PHF24: variants seen among roughly 807,000 people sequenced by gnomAD.
PHF24 encodes PHD finger protein 24, also known as Galpha inhibitory interacting protein.
In PHF24, 25 loss-of-function variants were observed where a neutral mutation model predicts 42.6. The observed-to-expected ratio is 0.59, with a 90% CI of 0.43 to 0.82. The LOEUF (loss-of-function observed/expected upper bound fraction) is 0.82. Among genes scored for constraint, PHF24 ranks in the 40% least tolerant of loss-of-function variants. The probability of loss-of-function intolerance (pLI) is 0.00; values close to 1 mark genes in which losing one functional copy is unlikely to be tolerated. For missense variants in PHF24, 470 were observed against 538.1 expected (o/e 0.87, Z 1.25); for synonymous variants, 185 against 204.8 (o/e 0.90, Z 0.83).
chr9:34,895,007 G>A, the PHF24 span: 1 of 398,394 alleles, frequency 2.5e-6, no homozygotes, highest in Non-Finnish European at 4.4e-6. Flanking sequence ...ACTCACAGCA[G>A]AAGTGAATTA....
the PHF24 span, among the ~76,000 whole-genome samples, chr9:34,680,694 A>AAT: frequency 1.5e-5 from 1 of 67,146 alleles, no homozygotes; most frequent in Non-Finnish European, 3.5e-5. Flanking sequence ...TCTCAAAAAA[A>AAT]AAAATAAATA....
At chr9:34,929,017 C>T in the PHF24 span, among the ~76,000 whole-genome samples, 1 of 152,194 alleles carries the variant, frequency 6.6e-6, no homozygotes, top group Non-Finnish European at 1.5e-5. Flanking sequence ...TAGACACTTG[C>T]CTTCACAGAT....
At chr9:34,835,509 G>T in the PHF24 span, 1 of 1,551,890 alleles carries the variant, frequency 6.4e-7, no homozygotes, top group Non-Finnish European at 8.7e-7. Context: ...AGGGTTTCTG[G>T]GTTCAGGGAC....
At chr9:34,898,387 T>A in the PHF24 span, among the ~76,000 whole-genome samples, 1 of 152,166 alleles carries the variant, frequency 6.6e-6, no homozygotes, top group Non-Finnish European at 1.5e-5. Context: ...TAAGGCGGTA[T>A]CACATTGCGG....
the PHF24 span, chr9:34,837,825 G>T: frequency 1.5e-6 from 1 of 667,376 alleles, no homozygotes; most frequent in South Asian, 1.9e-5. Flanking sequence ...ACGCTTTCCT[G>T]GATTTTCTTT....
At chr9:34,724,957 C>G in the PHF24 span, 7 of 1,551,568 alleles carry the variant, frequency 4.5e-6, no homozygotes, top group East Asian at 1.7e-4. Flanking sequence ...AGACTCGGAG[C>G]AGCTTAGGGT....
the PHF24 span, among the ~76,000 whole-genome samples, chr9:34,912,512 G>C: frequency 6.6e-6 from 1 of 151,978 alleles, no homozygotes; most frequent in South Asian, 2.1e-4. Context: ...TGTATGTTCA[G>C]AACACATGAA....
chr9:34,728,006 A>C, the PHF24 span: 1 of 1,551,160 alleles, frequency 6.4e-7, no homozygotes, highest in African/African-American at 1.4e-5. Context: ...ATAGAGTGCA[A>C]AGAGCAATAG....
the PHF24 span, among the ~76,000 whole-genome samples, chr9:34,739,708 G>A: frequency 1.3e-5 from 2 of 152,190 alleles, no homozygotes; most frequent in Admixed American, 1.3e-4. Context: ...CACCCAAAGA[G>A]TGAGCACCAG....
the PHF24 span, among the ~76,000 whole-genome samples, chr9:34,681,957 C>T: frequency 2.6e-5 from 4 of 152,428 alleles, no homozygotes; most frequent in South Asian, 8.3e-4. Context: ...ACAAAAAAAG[C>T]CCTCACCAGA....
At chr9:34,940,582 T>A in the PHF24 span, among the ~76,000 whole-genome samples, 1 of 151,942 alleles carries the variant, frequency 6.6e-6, no homozygotes, top group African/African-American at 2.4e-5. Context: ...TGAGACCCCA[T>A]CTCTCCGAAA....
At chr9:34,711,157 A>G in the PHF24 span, among the ~76,000 whole-genome samples, 1 of 152,238 alleles carries the variant, frequency 6.6e-6, no homozygotes, top group African/African-American at 2.4e-5. Context: ...TCCCATTGAC[A>G]TAGATTTATA....
At chr9:34,949,097 G>A in the PHF24 span, among the ~76,000 whole-genome samples, 1 of 152,168 alleles carries the variant, frequency 6.6e-6, no homozygotes, top group Non-Finnish European at 1.5e-5. Flanking sequence ...TCCTCTCTCT[G>A]TAATCAATAG....
At chr9:34,963,404 A>T (rs1826663232) in intron 1 of PHF24, among the ~76,000 whole-genome samples, 1 of 151,912 alleles carries the variant, frequency 6.6e-6, no homozygotes, top group African/African-American at 2.4e-5. Flanking sequence ...GCAGCTGGTC[A>T]CCTTCTGTGT....
chr9:34,679,483 G>A, the PHF24 span, among the ~76,000 whole-genome samples: 1 of 152,216 alleles, frequency 6.6e-6, no homozygotes, highest in African/African-American at 2.4e-5. Context: ...CTGAAAGACA[G>A]TGGTGGGCGG....
the PHF24 span, among the ~76,000 whole-genome samples, chr9:34,760,954 T>G: frequency 6.6e-6 from 1 of 151,032 alleles, no homozygotes. Context: ...ATCGCGCCAC[T>G]GCACTCTAGC....
intron 1 of PHF24, among the ~76,000 whole-genome samples, chr9:34,965,043 T>C (rs1412122194): frequency 6.6e-6 from 1 of 152,218 alleles, no homozygotes; most frequent in Non-Finnish European, 1.5e-5. Context: ...TGATTTCCTT[T>C]TAACTCTCTC....
the PHF24 span, among the ~76,000 whole-genome samples, chr9:34,818,944 C>T: frequency 1.3e-5 from 2 of 152,106 alleles, no homozygotes; most frequent in East Asian, 1.9e-4. Context: ...AAATTTTCTT[C>T]ATGTGAAAGC....
At chr9:34,778,367 A>G in the PHF24 span, among the ~76,000 whole-genome samples, 3 of 152,188 alleles carry the variant, frequency 2.0e-5, no homozygotes, top group Non-Finnish European at 4.4e-5. Flanking sequence ...CTGCCTCATG[A>G]TGTCTAAGGG....
Sources: allele counts gnomAD v4.1 joint callset (sites outside exome capture counted in the v4.1 genomes callset), GRCh38; gene constraint gnomAD v4.1.1; transcripts MANE v1.5; gene names NCBI Gene and HGNC (gene_info 2026-07-23, HGNC 2026-07-21).